The following MAP3K20 variants were observed in gnomAD, a reference collection of about 807,000 sequenced individuals.
MAP3K20 encodes HCCS-4.
In MAP3K20, 40 loss-of-function variants were observed where a neutral mutation model predicts 85.7. The observed-to-expected ratio is 0.47, with a 90% CI of 0.36 to 0.61. MAP3K20 has a LOEUF of 0.61. MAP3K20 is among the 20% of genes least tolerant of loss of function. The pLI is 0.00. For synonymous variants in MAP3K20, 325 were observed against 327.7 expected, an observed-to-expected ratio of 0.99 and a Z score of 0.09; for missense variants, 817 against 961.7, an observed-to-expected ratio of 0.85 and a Z score of 1.99.
chr2:173,246,318 T>C (rs1045446776), intron 16 of MAP3K20, among the ~76,000 whole-genome samples: 10 of 152,174 alleles, frequency 6.6e-5, no homozygotes, highest in Non-Finnish European at 1.5e-4. Context: ...TGGGGGTCAG[T>C]TAATTCTACC....
At chr2:173,254,230 A>C (rs898400641) in intron 16 of MAP3K20, among the ~76,000 whole-genome samples, 6 of 151,150 alleles carry the variant, frequency 4.0e-5, no homozygotes, top group Non-Finnish European at 7.4e-5. Context: ...CCTGGCTAAC[A>C]TGGTGAAACC....
chr2:173,259,607 T>A (rs1257194233), intron 17 of MAP3K20, among the ~76,000 whole-genome samples: 1 of 152,212 alleles, frequency 6.6e-6, no homozygotes, highest in Non-Finnish European at 1.5e-5. Flanking sequence ...AGGACCCAGA[T>A]ACAAACACAA....
Position 173,258,770 on chromosome 2 carries a change from A to G in MAP3K20, c.1431A>G (p.Thr477=). The G allele has an allele frequency of 6.2e-7, 1 of 1,613,202 alleles. No homozygotes were observed. Among genetic ancestry groups the G allele is most frequent in the African/African-American group, 1.3e-5 (1 of 75,026 alleles). ...EIAITYIKDV[T]FNTNLPDAEI... is the part of the protein sequence containing the mutation. ...CAATAACCTACATAAAAGATGTGAC[A>G]TTCAACACTAACCTACCTGATGCGG... Residue 477 remains threonine (T), a synonymous_variant, in exon 17 of 20, where the codon ACA becomes ACG. Transcript: ENST00000375213.
At chr2:173,157,298 C>T (rs1393399656) in intron 2 of MAP3K20, among the ~76,000 whole-genome samples, 2 of 148,132 alleles carry the variant, frequency 1.4e-5, no homozygotes, top group Non-Finnish European at 3.0e-5. Flanking sequence ...ATTATCTTTA[C>T]TATGTATTAG....
chr2:173,210,994 T>A (rs1386858469), intron 10 of MAP3K20: 1 of 152,248 alleles, frequency 6.6e-6, no homozygotes, highest in African/African-American at 2.4e-5. Context: ...AGTCTAGGTA[T>A]AAGGGACTTT....
rs548642908 is a variant in MAP3K20, at chr2:173,146,495, C to T, written c.160-23310C>T. Among the ~76,000 whole-genome samples, 13 of 152,260 alleles carry T rather than the reference C, an allele frequency of 8.5e-5. No individual in the cohort carries two copies. The South Asian group carries it at 2.7e-3, about 32-fold the overall frequency. ...ATTCACGGTTATGAAATCATCACCACAATCACTTTTAGAATATTTTTATCA... is the reference window on the plus strand; with the variant it reads ...ATTCACGGTTATGAAATCATCACCATAATCACTTTTAGAATATTTTTATCA... On this transcript the variant is annotated intron_variant, in intron 2 of 19. Coordinates refer to ENST00000375213, the MANE Select transcript of MAP3K20 (RefSeq NM_016653.3).
intron 12 of MAP3K20, among the ~76,000 whole-genome samples, chr2:173,230,296 AAAAC>A (rs1417585864): frequency 7.9e-5 from 12 of 151,592 alleles, no homozygotes. Context: ...GCAGCTCGGG[AAAAC>A]AAATGAACAT....
At chr2:173,205,354 AATATACTCTGTTCTTCTAC>A (rs1683649764) in intron 9 of MAP3K20, among the ~76,000 whole-genome samples, 1 of 152,126 alleles carries the variant, frequency 6.6e-6, no homozygotes, top group African/African-American at 2.4e-5. Context: ...ATGGCCATAA[AATATACTCTGTTCTTCTAC>A]AATATGTTTC....
At chr2:173,136,422 A>C (rs1030480795) in intron 2 of MAP3K20, among the ~76,000 whole-genome samples, 2 of 152,198 alleles carry the variant, frequency 1.3e-5, no homozygotes, top group African/African-American at 4.8e-5. Context: ...TTTTACACAC[A>C]ATCTGACAGT....
At position 173,209,827 on chromosome 2, in the gene MAP3K20, G is replaced by A. The variant is rs55824253; in HGVS notation, c.843G>A (p.Ala281=). The A allele has an allele frequency of 4.9e-3, 7,925 of 1,614,044 alleles. 27 individuals carry two copies. Among genetic ancestry groups the A allele is most frequent in the Non-Finnish European group, 6.2e-3 (7,269 of 1,179,942 alleles). The stretch of plus-strand genomic sequence containing the variant: ...GTAACTCATTCCTACACAACAAGGC[G>A]GAGTGGAGGTGGGTAGCCCCGACAG... ...DKCNSFLHNK[A]EWRCEIEATL... The change falls in exon 10 of 20, where the codon GCG becomes GCA. Residue 281 remains alanine (A), a synonymous_variant. Transcript: ENST00000375213.
chr2:173,114,256 CCTTTA>C (rs908902914), intron 2 of MAP3K20, among the ~76,000 whole-genome samples: 9 of 152,066 alleles, frequency 5.9e-5, no homozygotes, highest in East Asian at 1.9e-4. Flanking sequence ...TTTTTCCACG[CCTTTA>C]CTTTATGTGA....
intron 2 of MAP3K20, among the ~76,000 whole-genome samples, chr2:173,113,948 T>C (rs1688047104): frequency 6.6e-6 from 1 of 152,178 alleles, no homozygotes; most frequent in South Asian, 2.1e-4. Flanking sequence ...CTTTGTTGAC[T>C]TTCTGTCTTG....
intron 8 of MAP3K20, among the ~76,000 whole-genome samples, chr2:173,202,852 G>A (rs996412273): frequency 6.6e-6 from 1 of 152,120 alleles, no homozygotes; most frequent in African/African-American, 2.4e-5. Flanking sequence ...GAATCAATAA[G>A]CCTTTGATTT....
intron 18 of MAP3K20, among the ~76,000 whole-genome samples, chr2:173,261,545 T>C (rs141748855): frequency 1.3e-5 from 2 of 152,292 alleles, no homozygotes; most frequent in African/African-American, 2.4e-5. Flanking sequence ...GCAACAGTTA[T>C]AGTACAGTCT....
At chr2:173,203,702 A>G (rs764173105) in intron 8 of MAP3K20, 94 bp from the exon 9 acceptor site, 1 of 948,354 alleles carries the variant, frequency 1.1e-6, no homozygotes, top group Non-Finnish European at 1.7e-6. Flanking sequence ...TGTTCTTAAA[A>G]TAACTCTATT....
In MAP3K20 at chr2:173,238,354, CAT is replaced by C; in HGVS notation, c.1204-16_1204-15del. The C allele has an allele frequency of 8.1e-6, 13 of 1,600,978 alleles. No individual in the cohort carries two copies. Among genetic ancestry groups the C allele is most frequent in the South Asian group, 1.1e-5 (1 of 90,152 alleles). ...GGTATTACTGGATCATTAATAAAGT[CAT>C]ATGATTTTTTTTACAGTCAGCCATT... On this transcript the variant is annotated splice_polypyrimidine_tract_variant and intron_variant, in intron 14 of 19. Coordinates refer to ENST00000375213, the MANE Select transcript of MAP3K20 (RefSeq NM_016653.3).
Position 173,209,839 on chromosome 2 carries a change from G to C in MAP3K20, c.851+4G>C. 1 of 1,613,330 alleles carries C rather than the reference G, an allele frequency of 6.2e-7. No homozygotes were observed. The highest frequency in any genetic ancestry group is 8.5e-7 in the Non-Finnish European group (1 of 1,179,364). On this transcript the variant is annotated splice_donor_region_variant and intron_variant, in intron 10 of 19. Transcript: ENST00000375213. Reference sequence around the variant, plus strand: ...TACACAACAAGGCGGAGTGGAGGTGGGTAGCCCCGACAGCAGGCCACAGCG... The same window carrying C: ...TACACAACAAGGCGGAGTGGAGGTGCGTAGCCCCGACAGCAGGCCACAGCG...
chr2:173,158,718 T>C (rs1370198488), intron 2 of MAP3K20, among the ~76,000 whole-genome samples: 1 of 152,198 alleles, frequency 6.6e-6, no homozygotes, highest in African/African-American at 2.4e-5. Flanking sequence ...AGAAAGGACT[T>C]AGCATTGGTG....
intron 16 of MAP3K20, among the ~76,000 whole-genome samples, chr2:173,251,450 G>A (rs996174929): frequency 1.3e-5 from 2 of 152,184 alleles, no homozygotes; most frequent in Admixed American, 1.3e-4. Context: ...CATTTTCTGA[G>A]CCTCAGTCTC....
Sources: allele counts gnomAD v4.1 joint callset (sites outside exome capture counted in the v4.1 genomes callset), GRCh38; gene constraint gnomAD v4.1.1; transcripts MANE v1.5; gene names NCBI Gene and HGNC (gene_info 2026-07-23, HGNC 2026-07-21).